Variants in CCDC171 observed in about 807,000 individuals in gnomAD.
CCDC171 encodes the protein coiled-coil domain-containing protein 171.
A neutral mutation model predicts 168.2 loss-of-function variants in CCDC171; 177 were observed. The observed-to-expected ratio is 1.05, with a 90% CI of 0.93 to 1.19. The LOEUF (loss-of-function observed/expected upper bound fraction) is 1.19. Ranked by LOEUF, CCDC171 falls within the 50% of genes most tolerant of loss-of-function variation. The pLI is 0.00. For missense variants in CCDC171, 1,991 were observed against 1,539.0 expected, an observed-to-expected ratio of 1.29 and a Z score of -4.91; for synonymous variants, 687 against 540.8, an observed-to-expected ratio of 1.27 and a Z score of -3.75.
intron 18 of CCDC171, among the ~76,000 whole-genome samples, chr9:15,755,440 A>G (rs2056046636): frequency 6.6e-6 from 1 of 152,204 alleles, no homozygotes; most frequent in Admixed American, 6.5e-5. Flanking sequence ...TCCAAGAGAA[A>G]GAGAAAGGAA....
chr9:15,867,757 G>C lies in CCDC171; in HGVS notation c.3469-6775G>C, dbSNP rs147168670. Among the ~76,000 whole-genome samples, 88 of 152,138 alleles carry C rather than the reference G, an allele frequency of 5.8e-4. No individual in the cohort carries two copies. In the East Asian group the frequency reaches 9.7e-3, roughly 17 times the overall value. The stretch of plus-strand genomic sequence containing the variant: ...AAACACATCTAAATAACTAATTTCA[G>C]CGTGTATCTGTCTTTATCCTTTAAA... On this transcript the variant is annotated intron_variant, in intron 23 of 25. Coordinates refer to ENST00000380701, the MANE Select transcript of CCDC171 (RefSeq NM_173550.4).
intron 1 of CCDC171, among the ~76,000 whole-genome samples, chr9:16,053,149 G>A (rs556023202): frequency 6.6e-6 from 1 of 152,138 alleles, no homozygotes; most frequent in African/African-American, 2.4e-5. Context: ...AAGAATTTTT[G>A]AGCTAGAAAG....
chr9:15,629,301 T>C (rs1434402871), intron 7 of CCDC171, among the ~76,000 whole-genome samples: 1 of 151,608 alleles, frequency 6.6e-6, no homozygotes, highest in East Asian at 1.9e-4. Context: ...TAGACGAATG[T>C]ATAGAATAAC....
intron 21 of CCDC171, among the ~76,000 whole-genome samples, chr9:15,820,064 A>G (rs924696384): frequency 1.7e-5 from 2 of 117,822 alleles, no homozygotes; most frequent in Non-Finnish European, 3.8e-5. Flanking sequence ...CTACAGGGAA[A>G]CTGAACAGCC....
chr9:15,677,285 C>T (rs2049652701), intron 9 of CCDC171, among the ~76,000 whole-genome samples: 1 of 151,988 alleles, frequency 6.6e-6, no homozygotes, highest in African/African-American at 2.4e-5. Flanking sequence ...GCATCCAATC[C>T]TTTTACACGT....
intron 17 of CCDC171, 31 bp downstream of exon 17, chr9:15,744,808 G>A (rs2055153812): frequency 6.3e-7 from 1 of 1,592,064 alleles, no homozygotes; most frequent in Admixed American, 1.7e-5. Flanking sequence ...AAAAATATAA[G>A]TTGCATGTAA....
intron 3 of CCDC171, among the ~76,000 whole-genome samples, chr9:16,013,657 G>A (rs1288319453): frequency 6.6e-6 from 1 of 152,172 alleles, no homozygotes; most frequent in Admixed American, 6.6e-5. Context: ...ATGCCTCGGA[G>A]ATATTGTGGG....
intron 21 of CCDC171, among the ~76,000 whole-genome samples, chr9:15,845,123 A>C (rs1191724269): frequency 6.6e-6 from 1 of 152,144 alleles, no homozygotes; most frequent in Non-Finnish European, 1.5e-5. Flanking sequence ...CTGACTTTAA[A>C]AGGAACTCAA....
intron 3 of CCDC171, among the ~76,000 whole-genome samples, chr9:15,979,845 T>G (rs564196003): frequency 6.6e-6 from 1 of 152,132 alleles, no homozygotes; most frequent in Admixed American, 6.5e-5. Flanking sequence ...TTAAAGAGTT[T>G]GGGAAGGGTT....
the CCDC171 span, among the ~76,000 whole-genome samples, chr9:16,088,871 A>T: frequency 6.6e-6 from 1 of 152,158 alleles, no homozygotes; most frequent in African/African-American, 2.4e-5. Context: ...TTTAAATTTC[A>T]TATGGAATCA....
chr9:15,807,964 G>C (rs971166377), intron 21 of CCDC171, among the ~76,000 whole-genome samples: 1 of 151,520 alleles, frequency 6.6e-6, no homozygotes, highest in African/African-American at 2.4e-5. Context: ...TATGCTACTG[G>C]TTGTTCAGTA....
At chr9:15,596,357 A>G (rs1226028219) in intron 6 of CCDC171, among the ~76,000 whole-genome samples, 4 of 151,562 alleles carry the variant, frequency 2.6e-5, no homozygotes, top group South Asian at 2.1e-4. Context: ...TCAGCTTTCT[A>G]CATATGGCTA....
At chr9:15,721,339 ACCACAGTAAGTGTACATAACTC>A (rs1473841358) in intron 11 of CCDC171, among the ~76,000 whole-genome samples, 2 of 151,972 alleles carry the variant, frequency 1.3e-5, no homozygotes, top group Non-Finnish European at 2.9e-5. Context: ...AAACACAAGG[ACCACAGTAAGTGTACATAACTC>A]CCCCAAACAA....
At chr9:16,065,025 T>G (rs2133091530), downstream of CCDC171, among the ~76,000 whole-genome samples, 1 of 152,296 alleles carries the variant, frequency 6.6e-6, no homozygotes, top group Non-Finnish European at 1.5e-5. Context: ...CCAGCTTGAT[T>G]TGGTGTTAAT....
intron 24 of CCDC171, among the ~76,000 whole-genome samples, chr9:15,879,914 A>T (rs1464649459): frequency 6.6e-6 from 1 of 152,184 alleles, no homozygotes; most frequent in Admixed American, 6.5e-5. Flanking sequence ...AAAAGATAAG[A>T]TGGTTCCACT....
At chr9:15,960,752 A>T (rs377736641) in intron 25 of CCDC171, among the ~76,000 whole-genome samples, 58 of 152,264 alleles carry the variant, frequency 3.8e-4, no homozygotes, top group African/African-American at 1.3e-3. Context: ...AGATCACATG[A>T]TTTGTCTTAC....
At chr9:15,894,058 A>G (rs1820560735) in intron 24 of CCDC171, among the ~76,000 whole-genome samples, 1 of 152,222 alleles carries the variant, frequency 6.6e-6, no homozygotes, top group African/African-American at 2.4e-5. Context: ...TGGATAAAGA[A>G]AATGTGGTAC....
the CCDC171 span, among the ~76,000 whole-genome samples, chr9:16,103,637 T>C: frequency 6.6e-6 from 1 of 152,174 alleles, no homozygotes; most frequent in Non-Finnish European, 1.5e-5. Flanking sequence ...ATCCCTTCTG[T>C]GGCTGGGGGC....
At chr9:15,940,789 G>A (rs1356474812) in intron 25 of CCDC171, among the ~76,000 whole-genome samples, 1 of 151,884 alleles carries the variant, frequency 6.6e-6, no homozygotes, top group East Asian at 1.9e-4. Context: ...TACTCAGGAA[G>A]ATCAGGAGAA....
Sources: allele counts gnomAD v4.1 joint callset (sites outside exome capture counted in the v4.1 genomes callset), GRCh38; gene constraint gnomAD v4.1.1; transcripts MANE v1.5; gene names NCBI Gene and HGNC (gene_info 2026-07-23, HGNC 2026-07-21).